The following ZMIZ2 variants were observed in gnomAD, a reference collection of about 807,000 sequenced individuals.
ZMIZ2 encodes zinc finger MIZ-type containing 2, also known as zinc finger MIZ domain-containing protein 2.
A neutral mutation model predicts 93.9 loss-of-function variants in ZMIZ2; 26 were observed. The ratio of observed to expected loss-of-function variants is 0.28; its 90% confidence interval spans 0.20 to 0.38. ZMIZ2 has a LOEUF of 0.38. Ranked by LOEUF, ZMIZ2 falls within the 10% of genes least tolerant of loss-of-function variation. The probability of loss-of-function intolerance (pLI) is 1.00; values close to 1 mark genes in which losing one functional copy is unlikely to be tolerated. For synonymous variants in ZMIZ2, 485 were observed against 516.4 expected (o/e 0.94, Z 0.82); for missense variants, 1,023 against 1,235.0 (o/e 0.83, Z 2.57).
chr7:44,763,625 C>T lies in ZMIZ2; in HGVS notation c.1860+212C>T. ...CCAAATATAATTGTCATTTTACTAA[C>T]TTTTTTACTGCCTGCTTCATTCATG... On this transcript the variant is annotated intron_variant, in intron 13 of 18. Coordinates refer to ENST00000309315, the MANE Select transcript of ZMIZ2 (RefSeq NM_031449.4). The surrounding 1 kb of genome is among the most constrained non-coding windows in gnomAD (Gnocchi z 5.6). The T allele has an allele frequency of 1.6e-6, 1 of 628,020 alleles. No homozygotes were observed. Among genetic ancestry groups the T allele is most frequent in the Admixed American group, 3.3e-5 (1 of 30,758 alleles). The allele number at this position is 628,020 out of a possible 1,614,324, so 38.9% of individuals were successfully genotyped here.
chr7:44,757,187 C>T (rs1790675108), intron 4 of ZMIZ2, 38 bp downstream of exon 4: 1 of 1,562,882 alleles, frequency 6.4e-7, no homozygotes, highest in Non-Finnish European at 8.6e-7. Flanking sequence ...ATGCTAGGAG[C>T]CATCAATCTG....
rs117856671 is a variant in ZMIZ2, at chr7:44,757,946, G to A, written c.651G>A (p.Gly217=). The A allele has an allele frequency of 0.03, 48,487 of 1,611,974 alleles. 858 individuals are homozygous for A. The highest frequency in any genetic ancestry group is 0.041 in the Middle Eastern group (250 of 6,054). ...GCATGAACCCTACTGGCATAGGAGG[G>A]GTAATGGGCCCCTCTGGCCTCTCCC... The part of the protein sequence containing the change: ...PAGMNPTGIG[G]VMGPSGLSPL... The change falls in exon 6 of 19, where the codon GGG becomes GGA. Residue 217 remains glycine (G), a synonymous_variant. Transcript: ENST00000309315.
chr7:44,756,339 G>A, intron 2 of ZMIZ2, 40 bp downstream of exon 2: 2 of 1,614,018 alleles, frequency 1.2e-6, no homozygotes, highest in Non-Finnish European at 1.7e-6. Context: ...AGGCCCTGGG[G>A]TTGGGGGTGG....
At chr7:44,767,379 C>G (rs1388458919) in intron 18 of ZMIZ2, 137 bp from the exon 19 acceptor site, 2 of 777,702 alleles carry the variant, frequency 2.6e-6, no homozygotes, top group Non-Finnish European at 4.3e-6. Context: ...GGCCCCGCAC[C>G]CGGCCTGTGT....
rs188254199 is a variant in ZMIZ2 at position 44,769,578 on chromosome 7, C to G, written c.*1955C>G. ...AGTCCCACTCAGCCATGGCCTGATG[C>G]AGGCCCCAGGCCCTCCTTTCTTGGG... On this transcript the variant is annotated 3_prime_UTR_variant, in exon 19 of 19. Transcript: ENST00000309315. The G allele has an allele frequency of 6.5e-6, 1 of 152,842 alleles. No individual in the cohort carries two copies. Among genetic ancestry groups the G allele is most frequent in the Admixed American group, 6.5e-5 (1 of 15,298 alleles). 9.5% of individuals were successfully genotyped at this position (152,842 alleles called of 1,614,324 possible). A position where few individuals can be genotyped will look rare whatever the true frequency, so the allele number is the denominator to read the frequency against.
At position 44,759,456 on chromosome 7, in the gene ZMIZ2, A is replaced by G; in HGVS notation, c.989A>G (p.Tyr330Cys). ...GTGCCTGGCCCCACGGGACTGCATT[A>G]TAAGGTAGGGCAGGCTCCTCCAGGC... ...LSVPGPTGLH[Y>C]KPTEQFNGQG... is the part of the protein sequence containing the mutation. Residue 330 changes from tyrosine to cysteine, a missense_variant, in exon 7 of 19, where the codon TAT becomes TGT. Tyr to Cys is a radical substitution (Grantham distance 194). This residue lies in a region of ZMIZ2 where 656 missense variants were observed against 777.1 expected (regional missense o/e 0.84). Coordinates refer to ENST00000309315, the MANE Select transcript of ZMIZ2 (RefSeq NM_031449.4). The G allele has an allele frequency of 2.0e-6, 3 of 1,535,028 alleles. No individual in the cohort carries two copies. The highest frequency in any genetic ancestry group is 2.5e-5 in the East Asian group (1 of 40,654).
rs897942291 is a variant in ZMIZ2, at chr7:44,757,213, C to A, written c.368+64C>A. On this transcript the variant is annotated intron_variant, in intron 4 of 18. Coordinates refer to ENST00000309315, the MANE Select transcript of ZMIZ2 (RefSeq NM_031449.4). ...CATCAATCTGGCAGGCACCTCAGAA[C>A]TGTGGCGCTGATCAGCTGGACGTTC... 59 of 1,528,014 alleles carry A rather than the reference C, an allele frequency of 3.9e-5. No homozygotes were observed. The East Asian group carries it at 1.4e-3, about 36-fold the overall frequency. The allele number at this position is 1,528,014 out of a possible 1,614,324, so 94.7% of individuals were successfully genotyped here. A position where few individuals can be genotyped will look rare whatever the true frequency, so the allele number is the denominator to read the frequency against.
chr7:44,757,986 C>A lies in ZMIZ2; in HGVS notation c.691C>A (p.Pro231Thr). 1 of 1,612,552 alleles carries A rather than the reference C, an allele frequency of 6.2e-7. No homozygotes were observed. Among genetic ancestry groups the A allele is most frequent in the Non-Finnish European group, 8.5e-7 (1 of 1,179,372 alleles). ...TGGCCTCTCCCCCTTGGCTATGAAC[C>A]CCACCCGGGCAGCAGGAATGACACC... ...PSGLSPLAMN[P>T]TRAAGMTPLY... Residue 231 changes from proline to threonine, a missense_variant, in exon 6 of 19, where the codon CCC (proline) becomes ACC (threonine). By Grantham distance (38) the Pro-to-Thr change is conservative. This residue lies in a region of ZMIZ2 where 656 missense variants were observed against 777.1 expected (regional missense o/e 0.84). Coordinates refer to ENST00000309315, the MANE Select transcript of ZMIZ2 (RefSeq NM_031449.4).
Position 44,756,291 on chromosome 7 carries a change from G to A in ZMIZ2, c.42G>A (p.Ala14=), listed in dbSNP as rs770193341. ...MNPMKPALPP[A]PHGDGSFAYE... The stretch of plus-strand genomic sequence containing the variant: ...CCATGAAACCTGCCCTGCCCCCTGC[G>A]CCACACGGGTGAGTGTGGGCTCCTC... Residue 14 remains alanine, a synonymous_variant, in exon 2 of 19, where the codon GCG becomes GCA. Transcript: ENST00000309315. 118 of 1,613,940 alleles carry A rather than the reference G, an allele frequency of 7.3e-5. No homozygotes were observed. Among genetic ancestry groups the A allele is most frequent in the South Asian group, 2.2e-4 (20 of 91,082 alleles).
In ZMIZ2 at chr7:44,768,589, CA is replaced by C. The variant is rs1031187789; in HGVS notation, c.*967del. ...ACACCCAGGTGGGGGAGGAGGAAGC[CA>C]CTGCATCTGTTGGCTCAGGGCCCCA... On this transcript the variant is annotated 3_prime_UTR_variant, in exon 19 of 19. Transcript: ENST00000309315. 2.0e-5 allele frequency: 3 copies of C among 152,442 alleles called. No individual in the cohort carries two copies. Among genetic ancestry groups the C allele is most frequent in the African/African-American group, 7.2e-5 (3 of 41,460 alleles). The allele number at this position is 152,442 out of a possible 1,614,324, so 9.4% of individuals were successfully genotyped here.
At chr7:44,749,259 C>T (rs1315566967) in intron 1 of ZMIZ2, among the ~76,000 whole-genome samples, 1 of 152,196 alleles carries the variant, frequency 6.6e-6, no homozygotes, top group Non-Finnish European at 1.5e-5. Flanking sequence ...GCGTCAGGGT[C>T]ATCCAGCCCT....
rs183461593 is a variant in ZMIZ2 at position 44,762,218 on chromosome 7, C to T, written c.1596+313C>T. Reference sequence around the variant, plus strand: ...TACTGCCTTGTATTTCTATTTTAATCTGTCATCCTTGCCCTTTAAGAAAGC... The same window carrying T: ...TACTGCCTTGTATTTCTATTTTAATTTGTCATCCTTGCCCTTTAAGAAAGC... On this transcript the variant is annotated intron_variant, in intron 11 of 18. Transcript: ENST00000309315. 1.9e-3 allele frequency among the ~76,000 whole-genome samples: 288 copies of T among 152,386 alleles called. 2 individuals are homozygous for T. Among genetic ancestry groups the T allele is most frequent in the Middle Eastern group, 6.8e-3 (2 of 294 alleles).
rs571803003 is a variant in ZMIZ2 at position 44,760,359 on chromosome 7, C to T, written c.1072-66C>T. ...TTATCATGGTTCCCAGTGGGTGCGCCGTGAACAGACTCCACTCCCATCCAC... is the reference window on the plus strand; with the variant it reads ...TTATCATGGTTCCCAGTGGGTGCGCTGTGAACAGACTCCACTCCCATCCAC... On this transcript the variant is annotated intron_variant, in intron 8 of 18. Transcript: ENST00000309315. 14 of 1,591,340 alleles carry T rather than the reference C, an allele frequency of 8.8e-6. No homozygotes were observed. In the South Asian group the frequency reaches 1.0e-4, roughly 12 times the overall value.
chr7:44,757,392 C>A lies in ZMIZ2; in HGVS notation c.383C>A (p.Pro128Gln), dbSNP rs752627717. 6.2e-7 allele frequency: 1 copy of A among 1,600,974 alleles called. No individual in the cohort carries two copies. Among genetic ancestry groups the A allele is most frequent in the South Asian group, 1.1e-5 (1 of 91,034 alleles). ...PGFTTGYAGG[P>Q]GGLGLPSHAA... ...GTCTCCTGCAGGTATGCAGGCGGCC[C>A]GGGGGGCCTGGGCCTCCCCTCACAT... is the stretch of plus-strand genomic sequence containing the variant. Residue 128 changes from proline (P) to glutamine (Q), a missense_variant, in exon 5 of 19, where the codon CCG becomes CAG. By Grantham distance (76) the Pro-to-Gln change is moderately conservative. Transcript: ENST00000309315.
Position 44,756,244 on chromosome 7 carries a change from T to C in ZMIZ2, c.-6T>C, listed in dbSNP as rs771425051. ...CAGACCCGGCCTGTAGGCTGCTCCA[T>C]TGCCAATGAACTCCATGAACCCCAT... On this transcript the variant is annotated 5_prime_UTR_variant, in exon 2 of 19. Coordinates refer to ENST00000309315, the MANE Select transcript of ZMIZ2 (RefSeq NM_031449.4). 6.8e-6 allele frequency: 11 copies of C among 1,613,882 alleles called. No homozygotes were observed. In the South Asian group the frequency reaches 9.9e-5, roughly 14 times the overall value.
intron 11 of ZMIZ2, among the ~76,000 whole-genome samples, chr7:44,762,466 C>T (rs1791298417): frequency 1.3e-5 from 2 of 152,172 alleles, no homozygotes; most frequent in Non-Finnish European, 2.9e-5. Flanking sequence ...GCATGAGGGC[C>T]TTGGGGACGG....
rs762226810 is a variant in ZMIZ2 at position 44,756,525 on chromosome 7, G to A, written c.151G>A (p.Ala51Thr). The A allele has an allele frequency of 5.6e-6, 9 of 1,613,894 alleles. No homozygotes were observed. Among genetic ancestry groups the A allele is most frequent in the Non-Finnish European group, 7.6e-6 (9 of 1,180,016 alleles). ...CACTACTGTGTGGGGAGTTGGCAAC[G>A]CGACACAGAGCCAGGTAAGCACCCA... Reference protein sequence around the residue: ...VVTTVWGVGNATQSQVLGNPM... With the variant: ...VVTTVWGVGNTTQSQVLGNPM... Residue 51 changes from alanine (A) to threonine (T), a missense_variant, in exon 3 of 19, where the codon GCG becomes ACG. Ala to Thr is a moderately conservative substitution (Grantham distance 58). This residue lies in a region of ZMIZ2 where 656 missense variants were observed against 777.1 expected (regional missense o/e 0.84). Transcript: ENST00000309315.
In ZMIZ2 at chr7:44,766,989, C is replaced by T. The variant is rs1166659175; in HGVS notation, c.2655+326C>T. Among the ~76,000 whole-genome samples, 1 of 152,128 alleles carries T rather than the reference C, an allele frequency of 6.6e-6. No individual in the cohort carries two copies. Among genetic ancestry groups the T allele is most frequent in the Non-Finnish European group, 1.5e-5 (1 of 68,016 alleles). On this transcript the variant is annotated intron_variant, in intron 18 of 18. Transcript: ENST00000309315. The surrounding 1 kb of genome is among the most constrained non-coding windows in gnomAD (Gnocchi z 4.4). ...TGCTCAGTAGCCCTGGGTCTTGACT[C>T]ACAGGTGGAATGGGAGTGCAAACTC...
rs746137342 is a variant in ZMIZ2 at position 44,756,232 on chromosome 7, TAGG to T, written c.-17_-15del. On this transcript the variant is annotated 5_prime_UTR_variant, in exon 2 of 19. An upstream open reading frame in the 5' UTR loses its in-frame stop. Transcript: ENST00000309315. ...GATAAAAACTGTCAGACCCGGCCTG[TAGG>T]CTGCTCCATTGCCAATGAACTCCAT... is the stretch of plus-strand genomic sequence containing the variant. 1.2e-6 allele frequency: 2 copies of T among 1,614,012 alleles called. No homozygotes were observed. Among genetic ancestry groups the T allele is most frequent in the South Asian group, 2.2e-5 (2 of 91,090 alleles).
Sources: allele counts gnomAD v4.1 joint callset (sites outside exome capture counted in the v4.1 genomes callset), GRCh38; gene constraint gnomAD v4.1.1; regional missense constraint gnomAD v4.1.1; non-coding constraint Gnocchi (gnomAD v3.1); transcripts MANE v1.5; gene names NCBI Gene and HGNC (gene_info 2026-07-23, HGNC 2026-07-21).